The following APC variants were observed in gnomAD, a reference collection of about 807,000 sequenced individuals.
APC encodes adenomatous polyposis coli protein.
A neutral mutation model predicts 247.0 loss-of-function variants in APC; 72 were observed. The ratio of observed to expected loss-of-function variants is 0.29; its 90% CI spans 0.24 to 0.35. APC has a LOEUF of 0.35. Ranked by LOEUF, APC falls within the 10% of genes least tolerant of loss-of-function variation. The pLI is 1.00. For missense variants in APC, 3,400 were observed against 3,360.7 expected (o/e 1.01, Z -0.29); for synonymous variants, 1,254 against 1,162.5 (o/e 1.08, Z -1.60).
At chr5:112,745,850 G>C (rs1351573392) in intron 1 of APC, among the ~76,000 whole-genome samples, 1 of 152,080 alleles carries the variant, frequency 6.6e-6, no homozygotes, top group Non-Finnish European at 1.5e-5. Context: ...CACCACGCCA[G>C]CCTTTCACTT....
rs777760565 is a variant in APC, at chr5:112,792,515, G to C, written c.715G>C (p.Ala239Pro). The change falls in exon 7 of 16, where the codon GCA becomes CCA. Residue 239 changes from alanine (A) to proline (P), a missense_variant. Ala to Pro is a conservative substitution (Grantham distance 27). Coordinates refer to ENST00000257430, the MANE Select transcript of APC (RefSeq NM_000038.6). ...LRIRQLLQSQ[A>P]TEAERSSQNK... ...TATACGACAGCTTTTACAGTCCCAA[G>C]CAACAGAAGCAGAGGTTAGTAAATT... The C allele has an allele frequency of 3.7e-6, 6 of 1,612,386 alleles. No individual in the cohort carries two copies. The East Asian group carries it at 1.3e-4, about 36-fold the overall frequency.
chr5:112,810,542 A>G (rs1761884712), intron 8 of APC, among the ~76,000 whole-genome samples: 1 of 152,182 alleles, frequency 6.6e-6, no homozygotes, highest in Non-Finnish European at 1.5e-5. Flanking sequence ...CCATAAATGT[A>G]TATCGACAGC....
chr5:112,766,771 A>C (rs756569957), intron 3 of APC, among the ~76,000 whole-genome samples: 4 of 152,204 alleles, frequency 2.6e-5, no homozygotes, highest in Non-Finnish European at 4.4e-5. Context: ...TGTCTTCTTC[A>C]TTCAGGATAG....
intron 1 of APC, among the ~76,000 whole-genome samples, chr5:112,716,629 T>TA (rs549841910): frequency 5.4e-4 from 83 of 152,336 alleles, no homozygotes; most frequent in Non-Finnish European, 9.4e-4. Flanking sequence ...CATCAGTTAC[T>TA]AAAAGTGTAT....
intron 9 of APC, among the ~76,000 whole-genome samples, chr5:112,817,296 AAAT>A (rs1762610703): frequency 6.6e-6 from 1 of 152,222 alleles, no homozygotes; most frequent in African/African-American, 2.4e-5. Context: ...TCTTTACTGT[AAAT>A]AATATAATAG....
At chr5:112,813,828 T>C (rs184654899) in intron 8 of APC, among the ~76,000 whole-genome samples, 1 of 152,168 alleles carries the variant, frequency 6.6e-6, no homozygotes, top group East Asian at 1.9e-4. Context: ...ATAAGGTGTG[T>C]TGGTTCCAGA....
intron 2 of APC, 55 bp downstream of exon 2, chr5:112,755,080 T>G (rs752012764): frequency 1.9e-6 from 3 of 1,608,120 alleles, no homozygotes; most frequent in Non-Finnish European, 2.6e-6. Context: ...CAGTATTCCC[T>G]CTTGTAAACT....
intron 14 of APC, chr5:112,829,326 G>C (rs1024362164): frequency 2.0e-5 from 5 of 246,656 alleles, no homozygotes; most frequent in African/African-American, 9.2e-5. Context: ...GTAGAGATGG[G>C]GTTTCACCAT....
intron 8 of APC, among the ~76,000 whole-genome samples, chr5:112,806,115 AGTTAACACCAGTTCAT>A (rs1397391613): frequency 6.6e-6 from 1 of 152,142 alleles, no homozygotes; most frequent in African/African-American, 2.4e-5. Context: ...CATTTTGCTC[AGTTAACACCAGTTCAT>A]GTGTGTCTGA....
At chr5:112,791,236 C>T (rs1418538605) in intron 6 of APC, among the ~76,000 whole-genome samples, 1 of 152,110 alleles carries the variant, frequency 6.6e-6, no homozygotes, top group Non-Finnish European at 1.5e-5. Context: ...GCTTTGTGAC[C>T]AGTTGATGGT....
chr5:112,784,872 A>C (rs780961035), intron 6 of APC, among the ~76,000 whole-genome samples: 2 of 152,200 alleles, frequency 1.3e-5, no homozygotes, highest in African/African-American at 2.4e-5. Context: ...TCAGGCCTGT[A>C]ATCCCAGCAC....
Position 112,837,574 on chromosome 5 carries a change from C to G in APC, c.1980C>G (p.Asn660Lys), listed in dbSNP as rs1554083856. 6.2e-7 allele frequency: 1 copy of G among 1,612,966 alleles called. No homozygotes were observed. Reference protein sequence around the residue: ...EDHRQILRENNCLQTLLQHLK... With the variant: ...EDHRQILRENKCLQTLLQHLK... Reference sequence around the variant, plus strand: ...TCAGGCAAATCCTAAGAGAGAACAACTGTCTACAAACTTTATTACAACACT... The same window carrying G: ...TCAGGCAAATCCTAAGAGAGAACAAGTGTCTACAAACTTTATTACAACACT... Residue 660 changes from asparagine to lysine, a missense_variant, in exon 16 of 16, where the codon AAC becomes AAG. This residue lies in a region of APC where 184 missense variants were observed against 248.0 expected (regional missense o/e 0.74). Coordinates refer to ENST00000257430, the MANE Select transcript of APC (RefSeq NM_000038.6).
intron 7 of APC, among the ~76,000 whole-genome samples, chr5:112,796,198 A>C: frequency 6.6e-6 from 1 of 152,204 alleles, no homozygotes; most frequent in Non-Finnish European, 1.5e-5. Context: ...TCATAGTCAA[A>C]GTAATGTAAA....
At chr5:112,795,606 C>G (rs1760135638) in intron 7 of APC, among the ~76,000 whole-genome samples, 1 of 152,086 alleles carries the variant, frequency 6.6e-6, no homozygotes, top group Admixed American at 6.5e-5. Flanking sequence ...TCGAGAAATT[C>G]CAAGGGTATT....
In APC at chr5:112,844,118, T is replaced by G. The variant is rs587780610; in HGVS notation, c.8524T>G (p.Ser2842Ala). 8 of 1,611,664 alleles carry G rather than the reference T, an allele frequency of 5.0e-6. No individual in the cohort carries two copies. Among genetic ancestry groups the G allele is most frequent in the Admixed American group, 3.3e-5 (2 of 59,948 alleles). ...CCATTCTGGGTCTTACCTTGTGACA[T>G]CTGTTTAAAAGAGAGGAAGAATGAA... ...KRHSGSYLVT[S>A]V The change falls in exon 16 of 16, where the codon TCT becomes GCT. Residue 2842 changes from serine (S) to alanine (A), a missense_variant. Around this residue, in one of 9 missense-constraint regions of APC, gnomAD observed 1,788 missense variants for 1,649.5 expected, o/e 1.08. Coordinates refer to ENST00000257430, the MANE Select transcript of APC (RefSeq NM_000038.6).
At position 112,707,585 on chromosome 5, in the gene APC, C is replaced by G. The variant is rs79896135; in HGVS notation, c.-133C>G. The G allele has an allele frequency of 0.14, 132,897 of 965,948 alleles. 9,920 individuals are homozygous for G. The highest frequency in any genetic ancestry group is 0.23 in the African/African-American group (13,870 of 61,382). 59.8% of individuals were successfully genotyped at this position (965,948 alleles called of 1,614,324 possible). On this transcript the variant is annotated 5_prime_UTR_variant, in exon 1 of 14. Transcript: ENST00000507379. ...GGCCGCCGGAAGCCTAGCCGCTGCTCGGGGGGGACCTGCGGGCTCAGGCCC... is the reference window on the plus strand; with the variant it reads ...GGCCGCCGGAAGCCTAGCCGCTGCTGGGGGGGGACCTGCGGGCTCAGGCCC...
rs1182822563 is a variant in APC at position 112,828,939 on chromosome 5, A to G, written c.1710A>G (p.Lys570=). 6.2e-7 allele frequency: 1 copy of G among 1,613,776 alleles called. No individual in the cohort carries two copies. Residue 570 remains lysine, a synonymous_variant, in exon 14 of 16, where the codon AAA becomes AAG. Coordinates refer to ENST00000257430, the MANE Select transcript of APC (RefSeq NM_000038.6). ...CGTTGCGAGAAGTTGGAAGTGTGAA[A>G]GCATTGATGGAATGTGCTTTAGAAG... The part of the protein sequence containing the change: ...KKTLREVGSV[K]ALMECALEVK...
chr5:112,756,174 T>G (rs1754964741), intron 2 of APC, among the ~76,000 whole-genome samples: 1 of 152,220 alleles, frequency 6.6e-6, no homozygotes, highest in African/African-American at 2.4e-5. Context: ...TGTTTCTGCT[T>G]CTCTTTTACC....
intron 9 of APC, 113 bp from the exon 10 acceptor site, chr5:112,818,853 G>GT (rs1762787983): frequency 1.6e-5 from 17 of 1,090,376 alleles, no homozygotes; most frequent in Admixed American, 6.0e-5. Flanking sequence ...TTGGCGGGGG[G>GT]GGTTGTTTTG....
Sources: gnomAD v4.1 joint callset for allele counts (sites outside exome capture counted in the v4.1 genomes callset) on GRCh38, gnomAD v4.1.1 for gene constraint, gnomAD v4.1.1 regional missense constraint, MANE v1.5 for transcripts, NCBI Gene and HGNC (gene_info 2026-07-23, HGNC 2026-07-21) for gene names.